GLRA2: variants seen among roughly 807,000 people sequenced by gnomAD.
GLRA2 encodes glycine receptor alpha 2.
In GLRA2, 11 loss-of-function variants were observed where a neutral mutation model predicts 31.6. The observed-to-expected ratio is 0.35, with a 90% CI of 0.22 to 0.58. The LOEUF is 0.58. GLRA2 is among the 20% of genes least tolerant of loss of function. The pLI, the probability that GLRA2 is intolerant of heterozygous loss-of-function variation, is 0.84. For synonymous variants in GLRA2, 132 were observed against 134.0 expected (o/e 0.99, Z 0.10); for missense variants, 212 against 351.8 (o/e 0.60, Z 3.18).
chrX:14,633,935 A>G (rs13441240), intron 7 of GLRA2, among the ~76,000 whole-genome samples: 2,783 of 111,026 alleles, frequency 0.025, 96 homozygotes, highest in African/African-American at 0.085. Flanking sequence ...ACAATTCAAG[A>G]TGATATTTTA....
intron 7 of GLRA2, among the ~76,000 whole-genome samples, chrX:14,613,362 CAA>C (rs1217474300): frequency 1.8e-5 from 2 of 111,686 alleles, no homozygotes; most frequent in Non-Finnish European, 3.8e-5. Context: ...TGAGATTAAC[CAA>C]AGTTTGTCAT....
chrX:14,612,816 G>T (rs1397579231), intron 7 of GLRA2, among the ~76,000 whole-genome samples: 2 of 96,887 alleles, frequency 2.1e-5, no homozygotes, highest in Non-Finnish European at 4.2e-5. Context: ...ACACACTGGG[G>T]CCTGTCGGAG....
At chrX:14,500,270 C>T in the GLRA2 span, among the ~76,000 whole-genome samples, 1 of 111,782 alleles carries the variant, frequency 8.9e-6, no homozygotes, top group Non-Finnish European at 1.9e-5. Context: ...TAGATGGCTG[C>T]CAGGTTTGCT....
chrX:14,657,044 TAGA>T (rs1332415775), intron 7 of GLRA2, among the ~76,000 whole-genome samples: 1 of 111,733 alleles, frequency 8.9e-6, no homozygotes, highest in Non-Finnish European at 1.9e-5. Flanking sequence ...CCTCCAATAA[TAGA>T]AGTCCTGGGT....
intron 4 of GLRA2, among the ~76,000 whole-genome samples, chrX:14,593,297 G>T (rs748840377): frequency 4.0e-4 from 45 of 111,958 alleles, no homozygotes; most frequent in African/African-American, 1.3e-3. Flanking sequence ...ACCAACATCT[G>T]TATCAAAGAG....
At chrX:14,669,830 G>T (rs2091072417) in intron 7 of GLRA2, among the ~76,000 whole-genome samples, 1 of 112,148 alleles carries the variant, frequency 8.9e-6, no homozygotes, top group African/African-American at 3.2e-5. Context: ...ATGCCCTGGA[G>T]ACATTTTCTT....
the GLRA2 span, among the ~76,000 whole-genome samples, chrX:14,506,493 G>A: frequency 9.0e-6 from 1 of 111,335 alleles, no homozygotes; most frequent in Non-Finnish European, 1.9e-5. Context: ...TAGTGTTTAC[G>A]TCCCCTGTTC....
At chrX:14,478,410 G>A in the GLRA2 span, among the ~76,000 whole-genome samples, 1 of 111,930 alleles carries the variant, frequency 8.9e-6, no homozygotes, top group East Asian at 2.8e-4. Flanking sequence ...ACAAGATTTT[G>A]TATAGAGATA....
chrX:14,572,579 GA>G (rs2089898169), intron 2 of GLRA2, among the ~76,000 whole-genome samples: 2 of 112,131 alleles, frequency 1.8e-5, no homozygotes, highest in South Asian at 7.2e-4. Flanking sequence ...AATCAAAAAA[GA>G]AAAACAAAAT....
the GLRA2 span, among the ~76,000 whole-genome samples, chrX:14,487,388 A>T: frequency 4.3e-5 from 2 of 46,764 alleles, no homozygotes; most frequent in Non-Finnish European, 7.6e-5. Flanking sequence ...GGTTTTCTGT[A>T]AAAAAAAAAA....
chrX:14,655,151 G>A, intron 7 of GLRA2, among the ~76,000 whole-genome samples: 1 of 111,653 alleles, frequency 9.0e-6, no homozygotes, highest in Non-Finnish European at 1.9e-5. Flanking sequence ...TAATAAGCCA[G>A]GTGTAATATA....
At chrX:14,464,454 A>G in the GLRA2 span, among the ~76,000 whole-genome samples, 1 of 112,098 alleles carries the variant, frequency 8.9e-6, no homozygotes. Context: ...TCCCCAATGA[A>G]TATTCTTGGT....
chrX:14,604,746 C>T (rs1419205726), intron 5 of GLRA2, among the ~76,000 whole-genome samples: 3 of 110,324 alleles, frequency 2.7e-5, no homozygotes, highest in African/African-American at 6.6e-5. Flanking sequence ...AATTATTAGT[C>T]ATTAAATCTT....
At chrX:14,579,933 C>T (rs113536721) in intron 3 of GLRA2, among the ~76,000 whole-genome samples, 3 of 111,778 alleles carry the variant, frequency 2.7e-5, no homozygotes, top group African/African-American at 9.7e-5. Flanking sequence ...AAACAAAAAC[C>T]GTATTGAAGC....
the GLRA2 span, among the ~76,000 whole-genome samples, chrX:14,468,754 T>C: frequency 2.7e-5 from 3 of 111,351 alleles, no homozygotes; most frequent in East Asian, 8.4e-4. Flanking sequence ...ACTTCCACAA[T>C]GGTTGAACTA....
intron 7 of GLRA2, among the ~76,000 whole-genome samples, chrX:14,682,651 A>G (rs924453076): frequency 2.2e-4 from 24 of 109,846 alleles, no homozygotes; most frequent in African/African-American, 7.3e-4. Flanking sequence ...GCTGCACCCG[A>G]TAACTCATCA....
At chrX:14,488,722 T>C in the GLRA2 span, among the ~76,000 whole-genome samples, 5 of 112,573 alleles carry the variant, frequency 4.4e-5, no homozygotes, top group South Asian at 1.8e-3. Flanking sequence ...ATATAGTTTG[T>C]AATATCAGAA....
At chrX:14,679,735 A>C (rs1367014770) in intron 7 of GLRA2, among the ~76,000 whole-genome samples, 3 of 111,833 alleles carry the variant, frequency 2.7e-5, no homozygotes, top group Non-Finnish European at 3.8e-5. Flanking sequence ...CAAGTGCTAC[A>C]CCACCTAGGA....
chrX:14,479,132 TG>T, the GLRA2 span, among the ~76,000 whole-genome samples: 5 of 108,993 alleles, frequency 4.6e-5, no homozygotes, highest in African/African-American at 1.7e-4. Context: ...AAAAGGCAAG[TG>T]GAGAATGTAA....
Sources: allele counts gnomAD v4.1 joint callset (sites outside exome capture counted in the v4.1 genomes callset), GRCh38; gene constraint gnomAD v4.1.1; transcripts MANE v1.5; gene names NCBI Gene and HGNC (gene_info 2026-07-23, HGNC 2026-07-21).